The following TEX11 variants were observed in gnomAD, a reference collection of about 807,000 sequenced individuals.
TEX11 encodes the protein testis expressed 11, also known as testis-expressed protein 11.
A neutral mutation model predicts 84.4 loss-of-function variants in TEX11; 7 were observed. That is an observed-to-expected ratio of 0.08 (90% CI 0.05 to 0.16). The LOEUF (loss-of-function observed/expected upper bound fraction) is 0.16, where lower values mean the gene tolerates loss of function less well. Ranked by LOEUF, TEX11 falls within the 10% of genes least tolerant of loss-of-function variation. The probability of loss-of-function intolerance (pLI) is 1.00; values close to 1 mark genes in which losing one functional copy is unlikely to be tolerated. For synonymous variants in TEX11, 264 were observed against 222.8 expected (o/e 1.18, Z -1.64); for missense variants, 551 against 660.5 (o/e 0.83, Z 1.82).
chrX:70,715,670 G>C (rs1334682917), intron 13 of TEX11, among the ~76,000 whole-genome samples: 7 of 111,629 alleles, frequency 6.3e-5, no homozygotes, highest in Non-Finnish European at 9.4e-5. Context: ...CTCTGCATTG[G>C]TTATTCTAGT....
intron 9 of TEX11, among the ~76,000 whole-genome samples, chrX:70,778,361 T>C (rs937421609): frequency 8.9e-6 from 1 of 111,827 alleles, no homozygotes; most frequent in Non-Finnish European, 1.9e-5. Flanking sequence ...TAAGTACTAA[T>C]GGTCTGAATG....
intron 17 of TEX11, among the ~76,000 whole-genome samples, chrX:70,642,400 T>C (rs2089673628): frequency 9.0e-6 from 1 of 110,695 alleles, no homozygotes. Context: ...AAAGAGGGAA[T>C]CCTCCCTAAC....
chrX:70,621,535 AAAAAAAAAAAAAAAAAATATATAT>A (rs2089387059), intron 20 of TEX11, among the ~76,000 whole-genome samples: 2 of 33,075 alleles, frequency 6.0e-5, no homozygotes, highest in African/African-American at 2.1e-4. Flanking sequence ...AAAAAAAAAA[AAAAAAAAAAAAAAAAAATATATAT>A]ATATATATAT....
At chrX:70,534,415 G>A (rs1420992593) in intron 28 of TEX11, among the ~76,000 whole-genome samples, 1 of 111,772 alleles carries the variant, frequency 8.9e-6, no homozygotes, top group Non-Finnish European at 1.9e-5. Context: ...CATCCAATGA[G>A]TTAGGGAACA....
chrX:70,749,105 G>A (rs1216652723), intron 9 of TEX11, among the ~76,000 whole-genome samples: 3 of 105,284 alleles, frequency 2.8e-5, no homozygotes, highest in Admixed American at 1.1e-4. Flanking sequence ...ATTGAGCAGT[G>A]GTTTGTAGTT....
At chrX:70,731,789 C>T (rs1208199078) in intron 11 of TEX11, among the ~76,000 whole-genome samples, 2 of 110,460 alleles carry the variant, frequency 1.8e-5, no homozygotes, top group South Asian at 7.9e-4. Context: ...GAGAATCCTC[C>T]CTAACTCATT....
chrX:70,752,457 G>A (rs775509082), intron 9 of TEX11, among the ~76,000 whole-genome samples: 162 of 102,328 alleles, frequency 1.6e-3, no homozygotes, highest in Middle Eastern at 9.6e-3. Flanking sequence ...CCCGGGGGGC[G>A]GAGATTGCAG....
intron 4 of TEX11, among the ~76,000 whole-genome samples, chrX:70,868,001 G>A (rs2091608302): frequency 9.0e-6 from 1 of 111,685 alleles, no homozygotes; most frequent in Admixed American, 9.6e-5. Flanking sequence ...AAAAGCAATT[G>A]CAGCAAAAGC....
At chrX:70,829,496 A>C (rs1446357125) in intron 8 of TEX11, among the ~76,000 whole-genome samples, 2 of 91,207 alleles carry the variant, frequency 2.2e-5, no homozygotes, top group Non-Finnish European at 4.8e-5. Context: ...AAAAAAAAAA[A>C]AAAAAACAGT....
chrX:70,854,789 T>C (rs2091526734), intron 5 of TEX11, among the ~76,000 whole-genome samples: 1 of 108,803 alleles, frequency 9.2e-6, no homozygotes, highest in Non-Finnish European at 1.9e-5. Context: ...CTCATGCCTG[T>C]AATCCCAGCA....
chrX:70,879,879 A>G, intron 3 of TEX11, 109 bp downstream of exon 3: 1 of 604,877 alleles, frequency 1.7e-6, no homozygotes, highest in East Asian at 4.3e-5. Context: ...AGATTTTTAT[A>G]TGTTTAGCAA....
intron 24 of TEX11, among the ~76,000 whole-genome samples, chrX:70,602,743 G>C (rs1728666891): frequency 9.5e-6 from 1 of 104,801 alleles, no homozygotes; most frequent in Non-Finnish European, 2.0e-5. Context: ...ATCCAATTAG[G>C]AAAAGAGGAA....
chrX:70,876,854 G>A (rs1428838667), intron 3 of TEX11, among the ~76,000 whole-genome samples: 1 of 111,297 alleles, frequency 9.0e-6, no homozygotes, highest in Non-Finnish European at 1.9e-5. Flanking sequence ...GGAGGTCGAG[G>A]ATGCAGTGAG....
intron 10 of TEX11, 42 bp downstream of exon 10, chrX:70,744,123 G>T (rs199817618): frequency 4.2e-4 from 361 of 864,415 alleles, no homozygotes; most frequent in Non-Finnish European, 5.3e-4. Context: ...AAATAAAGCA[G>T]GTTATTCAAC....
At chrX:70,535,533 G>C (rs1021266756) in intron 28 of TEX11, among the ~76,000 whole-genome samples, 1 of 111,581 alleles carries the variant, frequency 9.0e-6, no homozygotes, top group African/African-American at 3.3e-5. Flanking sequence ...AGTTGCTTGA[G>C]CTCAGAAGGT....
chrX:70,884,919 G>T (rs899912630), intron 2 of TEX11, among the ~76,000 whole-genome samples: 1 of 110,751 alleles, frequency 9.0e-6, no homozygotes, highest in African/African-American at 3.3e-5. Flanking sequence ...GAGTTGATCT[G>T]TGCCTCTAGT....
At chrX:70,687,021 T>C (rs1372489109) in intron 13 of TEX11, among the ~76,000 whole-genome samples, 1 of 111,850 alleles carries the variant, frequency 8.9e-6, no homozygotes, top group Non-Finnish European at 1.9e-5. Context: ...CAATAAGTAT[T>C]TCCTTAACTC....
chrX:70,626,381 C>T (rs189249520), intron 18 of TEX11, among the ~76,000 whole-genome samples: 2 of 109,827 alleles, frequency 1.8e-5, no homozygotes, highest in African/African-American at 6.6e-5. Flanking sequence ...TAGTTCTCCA[C>T]CCCAGCTCTT....
At chrX:70,682,600 T>C (rs1292166294) in intron 14 of TEX11, 74 bp downstream of exon 14, 44 of 1,064,814 alleles carry the variant, frequency 4.1e-5, no homozygotes, top group Non-Finnish European at 5.2e-5. Context: ...TTGAGGATTT[T>C]GCTATTACTC....
Sources: gnomAD v4.1 joint callset for allele counts (sites outside exome capture counted in the v4.1 genomes callset) on GRCh38, gnomAD v4.1.1 for gene constraint, MANE v1.5 for transcripts, NCBI Gene and HGNC (gene_info 2026-07-23, HGNC 2026-07-21) for gene names.